PRCD: variants seen among roughly 807,000 people sequenced by gnomAD.
PRCD encodes the protein photoreceptor disc component.
PRCD carries 12 observed loss-of-function variants against 10.1 expected under a neutral mutation model. The observed-to-expected ratio is 1.18, with a 90% CI of 0.76 to 1.92. PRCD has a LOEUF of 1.92. PRCD is among the 40% of genes most tolerant of loss of function. The probability of loss-of-function intolerance (pLI) is 0.00; values close to 1 mark genes in which losing one functional copy is unlikely to be tolerated. For synonymous variants in PRCD, 31 were observed against 26.2 expected, an observed-to-expected ratio of 1.18 and a Z score of -0.56; for missense variants, 61 against 72.2, an observed-to-expected ratio of 0.84 and a Z score of 0.56.
chr17:76,535,297 G>A (rs2074902775), upstream of PRCD, among the ~76,000 whole-genome samples: 1 of 152,210 alleles, frequency 6.6e-6, no homozygotes, highest in African/African-American at 2.4e-5. Flanking sequence ...GTGCTGGCCA[G>A]AGGGCTGCAG....
intron 1 of PRCD, chr17:76,529,442 G>T: frequency 1.2e-5 from 12 of 985,478 alleles, no homozygotes; most frequent in Middle Eastern, 5.2e-4. Context: ...TTAGTCCCTA[G>T]GGCAGGGTGG....
intron 1 of PRCD, chr17:76,529,098 C>T: frequency 1.0e-6 from 1 of 960,632 alleles, no homozygotes; most frequent in Non-Finnish European, 1.2e-6. Context: ...GCAGAGACGG[C>T]TCAATAAACA....
Position 76,531,449 on chromosome 17 carries a change from G to A in PRCD, n.45+3616G>A. 2 of 1,597,672 alleles carry A rather than the reference G, an allele frequency of 1.3e-6. No individual in the cohort carries two copies. The highest frequency in any genetic ancestry group is 1.3e-5 in the African/African-American group (1 of 74,764). On this transcript the variant is annotated intron_variant and non_coding_transcript_variant, in intron 1 of 4. Coordinates refer to the PRCD transcript ENST00000397633. This position sits in a 1 kb window ranked among gnomAD's most constrained non-coding sequence, Gnocchi z 7.4. The stretch of plus-strand genomic sequence containing the variant: ...GGCGGTGGGGGCTCTGCAGCAGATG[G>A]GGGCGCATACCTTGAAGTACACCGG...
At position 76,530,871 on chromosome 17, in the gene PRCD, G is replaced by T; in HGVS notation, n.45+3038G>T. The T allele has an allele frequency of 5.4e-6, 7 of 1,295,522 alleles. No individual in the cohort carries two copies. The highest frequency in any genetic ancestry group is 5.2e-6 in the Non-Finnish European group (5 of 960,362). The allele number at this position is 1,295,522 out of a possible 1,614,324, so 80.3% of individuals were successfully genotyped here. On this transcript the variant is annotated intron_variant and non_coding_transcript_variant, in intron 1 of 4. Transcript: ENST00000397633. The surrounding 1 kb of genome is among the most constrained non-coding windows in gnomAD (Gnocchi z 6.1). ...CCCAGGGTTGGCCTGCCTCAAGTGT[G>T]CCTGCCCAGGTGATCAGCCCCAGGG... is the stretch of plus-strand genomic sequence containing the variant.
upstream of PRCD, among the ~76,000 whole-genome samples, chr17:76,539,064 G>A (rs1478729919): frequency 1.3e-5 from 2 of 152,318 alleles, no homozygotes; most frequent in Admixed American, 6.5e-5. Context: ...CAGTGCCTCT[G>A]ACACTGTCTC....
At position 76,528,558 on chromosome 17, in the gene PRCD, G is replaced by C; in HGVS notation, n.45+725G>C. The C allele has an allele frequency of 3.9e-6, 5 of 1,289,454 alleles. No homozygotes were observed. Among genetic ancestry groups the C allele is most frequent in the South Asian group, 2.9e-5 (1 of 33,906 alleles). The allele number at this position is 1,289,454 out of a possible 1,614,324, so 79.9% of individuals were successfully genotyped here. Reference sequence around the variant, plus strand: ...CTTCTGCTCGAGGTGCTGCCAGGGAGGGGGGTGGAGTTAGGGGTCCTACGG... The same window carrying C: ...CTTCTGCTCGAGGTGCTGCCAGGGACGGGGGTGGAGTTAGGGGTCCTACGG... On this transcript the variant is annotated intron_variant and non_coding_transcript_variant, in intron 1 of 4. Transcript: ENST00000397633. This position sits in a 1 kb window ranked among gnomAD's most constrained non-coding sequence, Gnocchi z 5.8.
Position 76,533,904 on chromosome 17 carries a change from G to A in PRCD, n.45+6071G>A, listed in dbSNP as rs536547465. 4.2e-4 allele frequency among the ~76,000 whole-genome samples: 64 copies of A among 152,100 alleles called. No homozygotes were observed. Among genetic ancestry groups the A allele is most frequent in the African/African-American group, 1.5e-3 (62 of 41,500 alleles). ...AAATTGGCTGGGTGTGGTGGTGCCC[G>A]TCTGTAGTCCTAGCTACTTGGGAGG... On this transcript the variant is annotated intron_variant and non_coding_transcript_variant, in intron 1 of 4. Transcript: ENST00000397633. The surrounding 1 kb of genome is among the most constrained non-coding windows in gnomAD (Gnocchi z 4.5).
rs867338006 is a variant in PRCD at position 76,540,552 on chromosome 17, C to T, written c.122C>T (p.Ala41Val). Residue 41 changes from alanine to valine, a missense_variant, in exon 2 of 5, where the codon GCG (alanine) becomes GTG (valine). Transcript: ENST00000592014. The surrounding 1 kb of genome is among the most constrained non-coding windows in gnomAD (Gnocchi z 5.0). ...DGAARGSSLD[A>V]DPQSSGREKE... ...GCAGCTAGGGGCAGCAGCTTGGATG[C>T]GGACCCTCAGTCCTCAGGCAGGTAA... 5.6e-6 allele frequency: 9 copies of T among 1,613,318 alleles called. No individual in the cohort carries two copies. The highest frequency in any genetic ancestry group is 7.6e-6 in the Non-Finnish European group (9 of 1,179,886).
At position 76,545,358 on chromosome 17, in the gene PRCD, T is replaced by C; in HGVS notation, c.*1708T>C. On this transcript the variant is annotated 3_prime_UTR_variant, in exon 5 of 5. Transcript: ENST00000592014. ...TGGACCTTTAAATGGGGGAATTAAA[T>C]CCTGACTATGACACTGTCCCCACTG... 4.4e-6 allele frequency: 2 copies of C among 456,712 alleles called. No individual in the cohort carries two copies. Among genetic ancestry groups the C allele is most frequent in the Non-Finnish European group, 8.8e-6 (2 of 226,968 alleles). 28.3% of individuals were successfully genotyped at this position (456,712 alleles called of 1,614,324 possible). A position where few individuals can be genotyped will look rare whatever the true frequency, so the allele number is the denominator to read the frequency against.
In PRCD at chr17:76,528,591, G is replaced by A; in HGVS notation, n.45+758G>A. The A allele has an allele frequency of 7.8e-7, 1 of 1,289,264 alleles. No homozygotes were observed. Among genetic ancestry groups the A allele is most frequent in the South Asian group, 3.1e-5 (1 of 32,174 alleles). The allele number at this position is 1,289,264 out of a possible 1,614,324, so 79.9% of individuals were successfully genotyped here. Reference sequence around the variant, plus strand: ...GAGTTAGGGGTCCTACGGCCCCGAAGAGGGCAGTGTGGCCGGTGGGCTGTG... The same window carrying A: ...GAGTTAGGGGTCCTACGGCCCCGAAAAGGGCAGTGTGGCCGGTGGGCTGTG... On this transcript the variant is annotated intron_variant and non_coding_transcript_variant, in intron 1 of 4. Coordinates refer to the PRCD transcript ENST00000397633. The surrounding 1 kb of genome is among the most constrained non-coding windows in gnomAD (Gnocchi z 5.8).
Position 76,540,260 on chromosome 17 carries a change from G to GT in PRCD, c.74+45_74+46insT, listed in dbSNP as rs1413444581. The GT allele has an allele frequency of 6.4e-6, 6 of 933,108 alleles. No homozygotes were observed. The Admixed American group carries it at 1.0e-4, about 16-fold the overall frequency. 57.8% of individuals were successfully genotyped at this position (933,108 alleles called of 1,614,324 possible). A position where few individuals can be genotyped will look rare whatever the true frequency, so the allele number is the denominator to read the frequency against. On this transcript the variant is annotated intron_variant, in intron 1 of 4. Transcript: ENST00000592014. This position sits in a 1 kb window ranked among gnomAD's most constrained non-coding sequence, Gnocchi z 5.0. ...ATGGCTGGCGGTTGGTCGGGGGGGG[G>GT]GGGCATGGGGCTGGGCTGCCACCAA...
downstream of PRCD, among the ~76,000 whole-genome samples, chr17:76,548,900 G>C (rs1038270464): frequency 6.6e-6 from 1 of 152,186 alleles, no homozygotes; most frequent in Non-Finnish European, 1.5e-5. Context: ...TCTGCCTGGA[G>C]ACAGTTCCCT....
chr17:76,542,180 C>T (rs1469016301), intron 2 of PRCD, among the ~76,000 whole-genome samples: 1 of 152,162 alleles, frequency 6.6e-6, no homozygotes, highest in Non-Finnish European at 1.5e-5. Context: ...GTCTCTTCTA[C>T]ATGAAATGGG....
At chr17:76,542,779 C>A in intron 3 of PRCD, 146 bp downstream of exon 3, 3 of 672,102 alleles carry the variant, frequency 4.5e-6, no homozygotes, top group Non-Finnish European at 8.2e-6. Context: ...CGGATGGACT[C>A]ATGCCTTTGG....
rs2074815407 is a variant in PRCD at position 76,529,975 on chromosome 17, CCTGGCGTCCCCAG to C, written n.45+2146_45+2158del. 8.1e-6 allele frequency: 8 copies of C among 985,346 alleles called. No homozygotes were observed. In the South Asian group the frequency reaches 3.3e-4, roughly 41 times the overall value. The allele number at this position is 985,346 out of a possible 1,614,324, so 61.0% of individuals were successfully genotyped here. A position where few individuals can be genotyped will look rare whatever the true frequency, so the allele number is the denominator to read the frequency against. Reference sequence around the variant, plus strand: ...GGTCAGCAGCAGGAAGGGCAGGAGGCCTGGCGTCCCCAGCTGCCCTCAGGGGACCTCCTCCAGG... The same window carrying C: ...GGTCAGCAGCAGGAAGGGCAGGAGGCCTGCCCTCAGGGGACCTCCTCCAGG... On this transcript the variant is annotated intron_variant and non_coding_transcript_variant, in intron 1 of 4. Transcript: ENST00000397633.
chr17:76,541,912 G>A (rs2074996723), intron 2 of PRCD, among the ~76,000 whole-genome samples: 1 of 152,224 alleles, frequency 6.6e-6, no homozygotes, highest in South Asian at 2.1e-4. Flanking sequence ...TGGTGAGGGT[G>A]CAGAGTGATT....
intron 4 of PRCD, chr17:76,543,537 G>T (rs2075016903): frequency 2.8e-6 from 1 of 353,842 alleles, no homozygotes; most frequent in Non-Finnish European, 5.6e-6. Flanking sequence ...ACAGAGACAG[G>T]TTAAATAATT....
chr17:76,542,207 G>C (rs1598213240), intron 2 of PRCD, among the ~76,000 whole-genome samples: 1 of 152,316 alleles, frequency 6.6e-6, no homozygotes, highest in South Asian at 2.1e-4. Flanking sequence ...CCTCCTGGCA[G>C]GAGAGAAAAG....
At position 76,540,400 on chromosome 17, in the gene PRCD, G is replaced by A; in HGVS notation, c.75-105G>A. 7.3e-7 allele frequency: 1 copy of A among 1,374,968 alleles called. No homozygotes were observed. Among genetic ancestry groups the A allele is most frequent in the South Asian group, 1.2e-5 (1 of 85,832 alleles). The allele number at this position is 1,374,968 out of a possible 1,614,324, so 85.2% of individuals were successfully genotyped here. A position where few individuals can be genotyped will look rare whatever the true frequency, so the allele number is the denominator to read the frequency against. ...GGGACTTAGAGCTTCAAAGGCTCTA[G>A]TTGCAGCCTCTACTCCCATAGCCCA... On this transcript the variant is annotated intron_variant, in intron 1 of 4. Coordinates refer to ENST00000592014, the MANE Select transcript of PRCD (RefSeq NM_001077620.3). The surrounding 1 kb of genome is among the most constrained non-coding windows in gnomAD (Gnocchi z 5.0).
Sources: allele counts gnomAD v4.1 joint callset (sites outside exome capture counted in the v4.1 genomes callset), GRCh38; gene constraint gnomAD v4.1.1; non-coding constraint Gnocchi (gnomAD v3.1); transcripts MANE v1.5; gene names NCBI Gene and HGNC (gene_info 2026-07-23, HGNC 2026-07-21).